ADCK5: variants seen among roughly 807,000 people sequenced by gnomAD.
The protein encoded by ADCK5 is uncharacterized aarF domain-containing protein kinase 5.
Under a neutral mutation model 64.9 loss-of-function variants are expected in ADCK5, and 43 were observed. The observed-to-expected ratio is 0.66, with a 90% CI of 0.52 to 0.85. ADCK5 has a LOEUF of 0.85. ADCK5 is among the 40% of genes least tolerant of loss of function. The pLI is 0.00. For missense variants in ADCK5, 760 were observed against 810.5 expected (o/e 0.94, Z 0.76); for synonymous variants, 434 against 342.8 (o/e 1.27, Z -2.94).
Position 144,374,091 on chromosome 8 carries a change from C to CG in ADCK5, c.-3dup. The CG allele has an allele frequency of 8.0e-7, 1 of 1,248,284 alleles. No homozygotes were observed. Among genetic ancestry groups the CG allele is most frequent in the Non-Finnish European group, 1.0e-6 (1 of 988,908 alleles). The allele number at this position is 1,248,284 out of a possible 1,614,324, so 77.3% of individuals were successfully genotyped here. A position where few individuals can be genotyped will look rare whatever the true frequency, so the allele number is the denominator to read the frequency against. Reference sequence around the variant, plus strand: ...GGCGGGAGAAGAGCGGAGCAGTGGTCGGAGATGTGGCGACCGGTGAGGACT... The same window carrying CG: ...GGCGGGAGAAGAGCGGAGCAGTGGTCGGGAGATGTGGCGACCGGTGAGGACT... On this transcript the variant is annotated 5_prime_UTR_variant, in exon 1 of 15. Transcript: ENST00000308860.
At chr8:144,375,638 G>A (rs933723822) in intron 1 of ADCK5, 1 of 985,336 alleles carries the variant, frequency 1.0e-6, no homozygotes, top group Non-Finnish European at 1.2e-6. Context: ...TGATACCTGT[G>A]TGAGTGTTAC....
Position 144,391,875 on chromosome 8 carries a change from G to C in ADCK5, c.1014+9G>C, listed in dbSNP as rs782793602. The C allele has an allele frequency of 3.8e-6, 6 of 1,586,554 alleles. No individual in the cohort carries two copies. The East Asian group carries it at 6.8e-5, about 18-fold the overall frequency. On this transcript the variant is annotated intron_variant, in intron 9 of 14. Coordinates refer to ENST00000308860, the MANE Select transcript of ADCK5 (RefSeq NM_174922.5). ...GGCTGGCAGTGCATGACGTGAGTGC[G>C]GGGGGGCGGGGGCGGGTCAGGGCGG...
In ADCK5 at chr8:144,376,412, A is replaced by C. The variant is rs939306319; in HGVS notation, c.12+2305A>C. On this transcript the variant is annotated intron_variant, in intron 1 of 14. Transcript: ENST00000308860. This position sits in a 1 kb window ranked among gnomAD's most constrained non-coding sequence, Gnocchi z 5.1. ...GAACAAGGTGGAGCGGGACGTGAGC[A>C]TGAGCAAGGCTGCTGGTGGACCAGG... 2.6e-5 allele frequency among the ~76,000 whole-genome samples: 4 copies of C among 152,206 alleles called. No homozygotes were observed. The highest frequency in any genetic ancestry group is 5.9e-5 in the Non-Finnish European group (4 of 68,032).
intron 3 of ADCK5, chr8:144,389,394 C>T (rs1399712161): frequency 2.2e-6 from 1 of 455,888 alleles, no homozygotes; most frequent in Non-Finnish European, 4.4e-6. Flanking sequence ...TGCTGCCATC[C>T]TTTACCTTCA....
At chr8:144,382,299 C>T (rs1279606847) in intron 2 of ADCK5, among the ~76,000 whole-genome samples, 1 of 152,216 alleles carries the variant, frequency 6.6e-6, no homozygotes, top group African/African-American at 2.4e-5. Context: ...GGTGCAGAAA[C>T]AGATGTGTTC....
chr8:144,386,825 C>A (rs563234734), intron 3 of ADCK5, among the ~76,000 whole-genome samples: 2 of 152,330 alleles, frequency 1.3e-5, no homozygotes, highest in East Asian at 1.9e-4. Flanking sequence ...TAGCATAAGC[C>A]CTCAGGGCCA....
rs1819366722 is a variant in ADCK5 at position 144,376,398 on chromosome 8, A to G, written c.12+2291A>G. Among the ~76,000 whole-genome samples, 1 of 152,170 alleles carries G rather than the reference A, an allele frequency of 6.6e-6. No homozygotes were observed. The highest frequency in any genetic ancestry group is 2.4e-5 in the African/African-American group (1 of 41,440). On this transcript the variant is annotated intron_variant, in intron 1 of 14. Coordinates refer to ENST00000308860, the MANE Select transcript of ADCK5 (RefSeq NM_174922.5). The surrounding 1 kb of genome is among the most constrained non-coding windows in gnomAD (Gnocchi z 5.1). ...GATAGGACCACGGTGAACAAGGTGG[A>G]GCGGGACGTGAGCATGAGCAAGGCT...
In ADCK5 at chr8:144,376,848, C is replaced by T. The variant is rs1330021363; in HGVS notation, c.13-2539C>T. On this transcript the variant is annotated intron_variant, in intron 1 of 14. Coordinates refer to ENST00000308860, the MANE Select transcript of ADCK5 (RefSeq NM_174922.5). The surrounding 1 kb of genome is among the most constrained non-coding windows in gnomAD (Gnocchi z 5.1). ...AGGCAGCAGGTGGATGGCCCGCCTA[C>T]GAGTCGCTGCCCGGCTGCCTTGGGT... is the stretch of plus-strand genomic sequence containing the variant. Among the ~76,000 whole-genome samples the T allele has an allele frequency of 6.6e-6, 1 of 152,230 alleles. No individual in the cohort carries two copies. The highest frequency in any genetic ancestry group is 1.5e-5 in the Non-Finnish European group (1 of 68,036).
At position 144,390,975 on chromosome 8, in the gene ADCK5, C is replaced by T; in HGVS notation, c.462C>T (p.Ser154=). ...LYVKLGQGLC[S]FNHLLPPEYT... ...TGAAGCTGGGCCAGGGGCTGTGCTC[C>T]TTCAACCACCTGCTTCCCCCCGAGT... Residue 154 remains serine, a synonymous_variant, in exon 5 of 15, where the codon TCC becomes TCT. Coordinates refer to ENST00000308860, the MANE Select transcript of ADCK5 (RefSeq NM_174922.5). 1 of 1,613,064 alleles carries T rather than the reference C, an allele frequency of 6.2e-7. No individual in the cohort carries two copies.
At chr8:144,385,652 T>A (rs1819884168) in intron 3 of ADCK5, among the ~76,000 whole-genome samples, 1 of 135,334 alleles carries the variant, frequency 7.4e-6, no homozygotes, top group Non-Finnish European at 1.6e-5. Flanking sequence ...TCTCAAAAAA[T>A]AAAAATAAAA....
At chr8:144,390,614 C>A in intron 3 of ADCK5, 57 bp from the exon 4 acceptor site, 1 of 1,553,670 alleles carries the variant, frequency 6.4e-7, no homozygotes, top group South Asian at 1.1e-5. Flanking sequence ...ACAAGAGGAC[C>A]AAGCACCGGG....
chr8:144,392,255 G>C lies in ADCK5; in HGVS notation c.1177G>C (p.Asp393His). Residue 393 changes from aspartate (D) to histidine (H), a missense_variant and splice_region_variant, in exon 12 of 15, where the codon GAC (aspartate) becomes CAC (histidine). Physicochemically the swap from Asp to His is moderately conservative, Grantham distance 81. Transcript: ENST00000308860. ...GGCTGCGGGCCCATCCACACCCAGG[G>C]ACCGCGCAGCCCTCTGCCAGCTGTG... ...HGLYQFLEEK[D>H]RAALCQLWRA... is the part of the protein sequence containing the mutation. 1 of 1,537,052 alleles carries C rather than the reference G, an allele frequency of 6.5e-7. No homozygotes were observed. The highest frequency in any genetic ancestry group is 2.4e-5 in the East Asian group (1 of 40,994).
At position 144,392,852 on chromosome 8, in the gene ADCK5, A is replaced by C; in HGVS notation, c.1597A>C (p.Lys533Gln). ...VYGTSLLRHA[K>Q]VVWEMLKFEV... ...CGGCACCAGCCTCCTGCGCCACGCC[A>C]AGGTCGTCTGGGAGATGCTCAAGTT... The change falls in exon 14 of 15, where the codon AAG becomes CAG. Residue 533 changes from lysine to glutamine, a missense_variant. By Grantham distance (53) the Lys-to-Gln change is moderately conservative. This residue lies in a region of ADCK5 where 333 missense variants were observed against 292.0 expected (regional missense o/e 1.14). Transcript: ENST00000308860. The C allele has an allele frequency of 6.3e-7, 1 of 1,597,980 alleles. No homozygotes were observed. The highest frequency in any genetic ancestry group is 8.5e-7 in the Non-Finnish European group (1 of 1,175,826).
intron 8 of ADCK5, 24 bp from the exon 9 acceptor site, chr8:144,391,759 A>G: frequency 6.5e-7 from 1 of 1,540,050 alleles, no homozygotes; most frequent in Non-Finnish European, 8.7e-7. Flanking sequence ...GGGCCTGCTG[A>G]GCCCAGCCTC....
chr8:144,375,509 GC>G, intron 1 of ADCK5: 9 of 985,492 alleles, frequency 9.1e-6, no homozygotes, highest in Non-Finnish European at 1.1e-5. Flanking sequence ...TCTCACTGCT[GC>G]GGCCGGGCCT....
chr8:144,388,525 G>A (rs1465092491), intron 3 of ADCK5, among the ~76,000 whole-genome samples: 1 of 152,058 alleles, frequency 6.6e-6, no homozygotes, highest in African/African-American at 2.4e-5. Flanking sequence ...AGCACTTTGG[G>A]AGGCCAAGGT....
At chr8:144,375,615 G>T in intron 1 of ADCK5, 1 of 985,474 alleles carries the variant, frequency 1.0e-6, no homozygotes, top group Non-Finnish European at 1.2e-6. Flanking sequence ...ACGCCCTTTG[G>T]TTGTGAACTT....
rs12682023 is a variant in ADCK5 at position 144,384,154 on chromosome 8, C to A, written c.266+924C>A. Among the ~76,000 whole-genome samples, 52,982 of 151,680 alleles carry A rather than the reference C, an allele frequency of 0.35. 10,048 individuals are homozygous for A. Among genetic ancestry groups the A allele is most frequent in the East Asian group, 0.64 (3,313 of 5,146 alleles). On this transcript the variant is annotated intron_variant, in intron 3 of 14. Transcript: ENST00000308860. The surrounding 1 kb of genome is among the most constrained non-coding windows in gnomAD (Gnocchi z 5.7). ...GGTCTCGATCTCCTGACCTCGTGAT[C>A]CACCCGCCTCGGCCTCCCAAAGTGC...
rs1039407819 is a variant in ADCK5 at position 144,384,710 on chromosome 8, C to T, written c.266+1480C>T. Among the ~76,000 whole-genome samples, 1 of 152,130 alleles carries T rather than the reference C, an allele frequency of 6.6e-6. No homozygotes were observed. Among genetic ancestry groups the T allele is most frequent in the Admixed American group, 6.6e-5 (1 of 15,252 alleles). On this transcript the variant is annotated intron_variant, in intron 3 of 14. Coordinates refer to ENST00000308860, the MANE Select transcript of ADCK5 (RefSeq NM_174922.5). The surrounding 1 kb of genome is among the most constrained non-coding windows in gnomAD (Gnocchi z 5.7). ...CTTGGCAGGCCTGGGTTTGTCTCAC[C>T]CTCTATTTCATGGCATGCAGCTGTG...
Sources: allele counts gnomAD v4.1 joint callset (sites outside exome capture counted in the v4.1 genomes callset), GRCh38; gene constraint gnomAD v4.1.1; regional missense constraint gnomAD v4.1.1; non-coding constraint Gnocchi (gnomAD v3.1); transcripts MANE v1.5; gene names NCBI Gene and HGNC (gene_info 2026-07-23, HGNC 2026-07-21).